The following MICU3 variants were observed in gnomAD, a reference collection of about 807,000 sequenced individuals.
The protein encoded by MICU3 is calcium uptake protein 3, mitochondrial.
A neutral mutation model predicts 66.5 loss-of-function variants in MICU3; 62 were observed. The observed-to-expected ratio is 0.93, with a 90% CI of 0.76 to 1.15. MICU3 has a LOEUF of 1.15. Among genes scored for constraint, MICU3 ranks in the 50% most tolerant of loss-of-function variants. The probability of loss-of-function intolerance (pLI) is 0.00; values close to 1 mark genes in which losing one functional copy is unlikely to be tolerated. For missense variants in MICU3, 779 were observed against 664.4 expected (o/e 1.17, Z -1.90); for synonymous variants, 308 against 240.7 (o/e 1.28, Z -2.59).
chr8:17,042,912 C>T (rs1470794297), intron 1 of MICU3, among the ~76,000 whole-genome samples: 5 of 138,740 alleles, frequency 3.6e-5, no homozygotes, highest in African/African-American at 1.4e-4. Flanking sequence ...GTTTAAACTG[C>T]TTGTAGCAAT....
chr8:17,087,023 G>C lies in MICU3; in HGVS notation c.837G>C (p.Lys279Asn). The C allele has an allele frequency of 6.2e-7, 1 of 1,604,824 alleles. No individual in the cohort carries two copies. The highest frequency in any genetic ancestry group is 8.5e-7 in the Non-Finnish European group (1 of 1,172,762). The change falls in exon 7 of 15, where the codon AAG becomes AAC. Residue 279 changes from lysine (K) to asparagine (N), a missense_variant. Coordinates refer to ENST00000318063, the MANE Select transcript of MICU3 (RefSeq NM_181723.3). ...GAGAAATTAAAGGAGATGAAGAAAA[G>C]CGTGCAATGCTGGTAAGAATACTTT... The part of the protein sequence containing the change: ...EKREIKGDEE[K>N]RAMLRLQLYG...
At chr8:17,128,626 C>T in the MICU3 span, among the ~76,000 whole-genome samples, 15 of 152,296 alleles carry the variant, frequency 9.8e-5, no homozygotes, top group East Asian at 1.9e-4. Flanking sequence ...TAAACAACTA[C>T]GACATTGCAC....
intron 3 of MICU3, among the ~76,000 whole-genome samples, chr8:17,075,671 A>G (rs1585358862): frequency 6.6e-6 from 1 of 152,278 alleles, no homozygotes; most frequent in East Asian, 1.9e-4. Context: ...GAGAAACTAG[A>G]TTATTACTAA....
At chr8:17,108,505 T>C (rs994411034) in intron 11 of MICU3, among the ~76,000 whole-genome samples, 5 of 152,176 alleles carry the variant, frequency 3.3e-5, no homozygotes, top group Admixed American at 2.6e-4. Flanking sequence ...TTTCAGTTCA[T>C]AGGACTTCGG....
At chr8:17,032,898 G>A (rs1419647946) in intron 1 of MICU3, among the ~76,000 whole-genome samples, 1 of 152,098 alleles carries the variant, frequency 6.6e-6, no homozygotes, top group African/African-American at 2.4e-5. Flanking sequence ...TATTTTATCT[G>A]TTATGGTAAT....
chr8:17,071,135 C>G (rs567496582), intron 3 of MICU3, among the ~76,000 whole-genome samples: 111 of 150,780 alleles, frequency 7.4e-4, no homozygotes, highest in Non-Finnish European at 1.3e-3. Context: ...TAAGGGGGAA[C>G]TACTGTACAG....
Position 17,121,725 on chromosome 8 carries a change from C to G in MICU3, c.*1438C>G, listed in dbSNP as rs916772865. 3 of 152,190 alleles carry G rather than the reference C, an allele frequency of 2.0e-5. No individual in the cohort carries two copies. The highest frequency in any genetic ancestry group is 7.2e-5 in the African/African-American group (3 of 41,422). The allele number at this position is 152,190 out of a possible 1,614,324, so 9.4% of individuals were successfully genotyped here. A position where few individuals can be genotyped will look rare whatever the true frequency, so the allele number is the denominator to read the frequency against. On this transcript the variant is annotated 3_prime_UTR_variant, in exon 15 of 15. Transcript: ENST00000318063. ...TAATGTTATTTCCAAGAAAATGTTA[C>G]TCTTAGCATTGATTTTGTATGTTAG...
At chr8:17,052,890 A>C (rs888170629) in intron 1 of MICU3, among the ~76,000 whole-genome samples, 5 of 152,206 alleles carry the variant, frequency 3.3e-5, no homozygotes, top group Non-Finnish European at 5.9e-5. Context: ...ATGCAAGTCC[A>C]TAAGATTCTT....
chr8:17,089,589 G>C (rs777338231), intron 7 of MICU3, among the ~76,000 whole-genome samples: 4 of 152,006 alleles, frequency 2.6e-5, no homozygotes, highest in African/African-American at 9.7e-5. Flanking sequence ...ATAAGAGAGA[G>C]AGCATAGCAC....
At chr8:17,056,703 T>C (rs1482496676) in intron 1 of MICU3, among the ~76,000 whole-genome samples, 1 of 152,310 alleles carries the variant, frequency 6.6e-6, no homozygotes, top group East Asian at 1.9e-4. Context: ...GTCTAAGGTA[T>C]GCTATCACAA....
intron 11 of MICU3, among the ~76,000 whole-genome samples, chr8:17,107,882 T>C (rs1585535070): frequency 6.6e-6 from 1 of 152,204 alleles, no homozygotes; most frequent in African/African-American, 2.4e-5. Flanking sequence ...TCAAGAGATA[T>C]CTTGGCTGCT....
At chr8:17,042,414 T>A (rs1172501296) in intron 1 of MICU3, among the ~76,000 whole-genome samples, 1 of 152,244 alleles carries the variant, frequency 6.6e-6, no homozygotes, top group Non-Finnish European at 1.5e-5. Flanking sequence ...CAAGCTCGAT[T>A]TATGGCATTG....
chr8:17,100,232 TCA>T (rs1453735692), intron 9 of MICU3, among the ~76,000 whole-genome samples: 1 of 150,880 alleles, frequency 6.6e-6, no homozygotes, highest in Admixed American at 6.6e-5. Flanking sequence ...CCCGGACAAC[TCA>T]GTTTGCCAGC....
intron 1 of MICU3, among the ~76,000 whole-genome samples, chr8:17,061,969 C>T (rs1327676895): frequency 6.6e-6 from 1 of 152,160 alleles, no homozygotes; most frequent in Non-Finnish European, 1.5e-5. Context: ...GCCAACTTGT[C>T]TTTGGTACCA....
chr8:17,038,787 A>G (rs1474080539), intron 1 of MICU3, among the ~76,000 whole-genome samples: 1 of 152,100 alleles, frequency 6.6e-6, no homozygotes, highest in East Asian at 1.9e-4. Flanking sequence ...CCCCGTCTCT[A>G]CTGAAAGTAC....
chr8:17,047,845 A>G (rs1313719476), intron 1 of MICU3, among the ~76,000 whole-genome samples: 2 of 152,258 alleles, frequency 1.3e-5, no homozygotes, highest in African/African-American at 2.4e-5. Context: ...ATGAATTAAC[A>G]TAAAAAGGGG....
chr8:17,054,266 C>CA (rs760035245), intron 1 of MICU3, among the ~76,000 whole-genome samples: 13 of 152,024 alleles, frequency 8.6e-5, no homozygotes, highest in Non-Finnish European at 1.8e-4. Context: ...TAATATTTGA[C>CA]AAAATCATAC....
intron 2 of MICU3, among the ~76,000 whole-genome samples, chr8:17,066,200 T>A (rs1053282657): frequency 2.0e-5 from 3 of 151,974 alleles, no homozygotes; most frequent in Admixed American, 2.0e-4. Flanking sequence ...TGCTAATAAA[T>A]ATAGAGACCA....
At chr8:17,088,877 A>G (rs1473114650) in intron 7 of MICU3, among the ~76,000 whole-genome samples, 1 of 151,954 alleles carries the variant, frequency 6.6e-6, no homozygotes, top group Non-Finnish European at 1.5e-5. Context: ...CAAATATTTT[A>G]TAATAGTGAT....
Sources: allele counts gnomAD v4.1 joint callset (sites outside exome capture counted in the v4.1 genomes callset), GRCh38; gene constraint gnomAD v4.1.1; transcripts MANE v1.5; gene names NCBI Gene and HGNC (gene_info 2026-07-23, HGNC 2026-07-21).